CHCHD3: variants seen among roughly 807,000 people sequenced by gnomAD.
CHCHD3 encodes the protein coiled-coil-helix-coiled-coil-helix domain containing 3.
CHCHD3 carries 20 observed loss-of-function variants against 38.2 expected under a neutral mutation model. The observed-to-expected ratio is 0.52, with a 90% CI of 0.37 to 0.76. CHCHD3 has a LOEUF of 0.76. CHCHD3 is among the 30% of genes least tolerant of loss of function. The pLI, the probability that CHCHD3 is intolerant of heterozygous loss-of-function variation, is 0.00. For missense variants in CHCHD3, 245 were observed against 279.2 expected, an observed-to-expected ratio of 0.88 and a Z score of 0.87; for synonymous variants, 82 against 100.0, an observed-to-expected ratio of 0.82 and a Z score of 1.07.
chr7:132,807,515 T>C (rs1218495850), intron 6 of CHCHD3, among the ~76,000 whole-genome samples: 1 of 150,900 alleles, frequency 6.6e-6, no homozygotes. Context: ...TTATGGATGC[T>C]AGACAGCAAT....
chr7:133,015,109 A>G (rs1182840500), intron 3 of CHCHD3, among the ~76,000 whole-genome samples: 1 of 152,186 alleles, frequency 6.6e-6, no homozygotes, highest in Non-Finnish European at 1.5e-5. Context: ...TTGGAGGCTG[A>G]GGCAGGTGGA....
At chr7:132,999,105 A>G (rs1250250775) in intron 3 of CHCHD3, among the ~76,000 whole-genome samples, 1 of 152,152 alleles carries the variant, frequency 6.6e-6, no homozygotes, top group Admixed American at 6.6e-5. Context: ...GGATACAGAG[A>G]GAGACCCTGT....
intron 4 of CHCHD3, among the ~76,000 whole-genome samples, chr7:132,899,027 C>T (rs1288820008): frequency 1.3e-5 from 2 of 152,210 alleles, no homozygotes; most frequent in Non-Finnish European, 2.9e-5. Flanking sequence ...CGGGCTCTGG[C>T]CTTGGCCAGC....
intron 2 of CHCHD3, among the ~76,000 whole-genome samples, chr7:133,028,801 C>T (rs537152057): frequency 1.3e-4 from 19 of 151,654 alleles, no homozygotes; most frequent in African/African-American, 3.6e-4. Flanking sequence ...AGGAGAATCG[C>T]TTGAACTCGG....
intron 5 of CHCHD3, among the ~76,000 whole-genome samples, chr7:132,865,542 T>C (rs1476862897): frequency 6.6e-6 from 1 of 152,156 alleles, no homozygotes; most frequent in Admixed American, 6.5e-5. Flanking sequence ...GATCCATCCG[T>C]GGCCGACTGC....
chr7:132,881,091 C>T (rs1413296613), intron 5 of CHCHD3, among the ~76,000 whole-genome samples: 1 of 152,122 alleles, frequency 6.6e-6, no homozygotes, highest in African/African-American at 2.4e-5. Flanking sequence ...CTTAAAAAAT[C>T]TTTTCAAATG....
intron 2 of CHCHD3, among the ~76,000 whole-genome samples, chr7:133,064,467 G>C (rs143105227): frequency 2.6e-5 from 4 of 152,278 alleles, no homozygotes; most frequent in African/African-American, 4.8e-5. Context: ...CGAGTCAAAG[G>C]AATAAGCTTA....
rs1054450585 is a variant in CHCHD3, at chr7:132,959,677, C to T, written c.369+15492G>A. Among the ~76,000 whole-genome samples the T allele has an allele frequency of 1.4e-5, 2 of 145,678 alleles. 1 individual carries two copies. The highest frequency in any genetic ancestry group is 4.3e-4 in the South Asian group (2 of 4,608). ...GACAGAGGTTGCAGTGAGCCGAGAT[C>T]GTGCCACTGTACTCCAGCCTGGGCG... On this transcript the variant is annotated intron_variant, in intron 4 of 7. Transcript: ENST00000262570.
At chr7:133,069,934 C>A (rs1814771058) in intron 2 of CHCHD3, among the ~76,000 whole-genome samples, 2 of 152,036 alleles carry the variant, frequency 1.3e-5, no homozygotes, top group Non-Finnish European at 2.9e-5. Context: ...GAAGAGAAAA[C>A]AAAATTTTCA....
intron 3 of CHCHD3, among the ~76,000 whole-genome samples, chr7:133,017,849 T>C (rs1191598745): frequency 1.3e-5 from 2 of 152,174 alleles, no homozygotes; most frequent in Non-Finnish European, 2.9e-5. Flanking sequence ...CTGTTGGTTA[T>C]AAAAAAGCAG....
chr7:132,985,868 C>T (rs1344975534), intron 3 of CHCHD3, among the ~76,000 whole-genome samples: 2 of 127,428 alleles, frequency 1.6e-5, no homozygotes, highest in Non-Finnish European at 1.7e-5. Context: ...AAGTGAGGAG[C>T]CCCTCTGCCC....
chr7:132,946,640 T>C (rs1433520013), intron 4 of CHCHD3, among the ~76,000 whole-genome samples: 1 of 151,830 alleles, frequency 6.6e-6, no homozygotes, highest in Non-Finnish European at 1.5e-5. Flanking sequence ...TATAAATATA[T>C]TGGTTTATAA....
chr7:132,893,437 G>A (rs1809418888), intron 4 of CHCHD3, among the ~76,000 whole-genome samples: 1 of 152,174 alleles, frequency 6.6e-6, no homozygotes, highest in Non-Finnish European at 1.5e-5. Flanking sequence ...ACATAGAAGG[G>A]ACTTTCCTTG....
intron 1 of CHCHD3, among the ~76,000 whole-genome samples, chr7:133,075,283 G>A (rs1306805190): frequency 6.6e-6 from 1 of 152,148 alleles, no homozygotes; most frequent in Non-Finnish European, 1.5e-5. Context: ...CACCAAAGGA[G>A]TATATACTAA....
At chr7:132,974,198 C>A (rs1258102812) in intron 4 of CHCHD3, among the ~76,000 whole-genome samples, 1 of 152,004 alleles carries the variant, frequency 6.6e-6, no homozygotes, top group Non-Finnish European at 1.5e-5. Context: ...GTTAAAAAGC[C>A]TAGAAAAAAA....
chr7:132,990,589 C>T (rs760925947), intron 3 of CHCHD3, among the ~76,000 whole-genome samples: 1 of 152,092 alleles, frequency 6.6e-6, no homozygotes, highest in Non-Finnish European at 1.5e-5. Flanking sequence ...TAAAGAGGAC[C>T]GTAAGCTATG....
At chr7:132,802,766 G>A (rs77007626) in intron 6 of CHCHD3, among the ~76,000 whole-genome samples, 1,550 of 152,174 alleles carry the variant, frequency 0.01, 28 homozygotes, top group African/African-American at 0.035. Flanking sequence ...CATAACTGAT[G>A]GCAACATGAA....
At chr7:133,014,433 C>T (rs1271034466) in intron 3 of CHCHD3, among the ~76,000 whole-genome samples, 2 of 151,854 alleles carry the variant, frequency 1.3e-5, no homozygotes, top group Non-Finnish European at 2.9e-5. Flanking sequence ...CTAACAATTG[C>T]TCCCATCGTG....
intron 3 of CHCHD3, among the ~76,000 whole-genome samples, chr7:133,015,987 C>G (rs1392637803): frequency 6.6e-6 from 1 of 150,602 alleles, no homozygotes; most frequent in Non-Finnish European, 1.5e-5. Context: ...ACAACCAGAT[C>G]TCATGAGAAA....
Sources: gnomAD v4.1 joint callset for allele counts (sites outside exome capture counted in the v4.1 genomes callset) on GRCh38, gnomAD v4.1.1 for gene constraint, MANE v1.5 for transcripts, NCBI Gene and HGNC (gene_info 2026-07-23, HGNC 2026-07-21) for gene names.